The following STXBP6 variants were observed in gnomAD, a reference collection of about 807,000 sequenced individuals.
STXBP6 encodes the protein syntaxin-binding protein 6.
STXBP6 carries 21 observed loss-of-function variants against 26.9 expected under a neutral mutation model. The ratio of observed to expected loss-of-function variants is 0.78; its 90% confidence interval spans 0.55 to 1.12. STXBP6 has a LOEUF of 1.12. STXBP6 is among the 50% of genes most tolerant of loss of function. STXBP6 has a pLI of 0.00. For missense variants in STXBP6, 232 were observed against 257.9 expected (o/e 0.90, Z 0.69); for synonymous variants, 97 against 92.6 (o/e 1.05, Z -0.27).
chr14:24,923,109 G>A (rs1420933953), intron 2 of STXBP6, among the ~76,000 whole-genome samples: 1 of 151,886 alleles, frequency 6.6e-6, no homozygotes, highest in Non-Finnish European at 1.5e-5. Context: ...CATTACCCCT[G>A]CCTCCATAAA....
intron 2 of STXBP6, among the ~76,000 whole-genome samples, chr14:24,963,970 T>TAAAAAAAAAAAAAAAAAAA (rs768793147): frequency 1.5e-5 from 1 of 64,692 alleles, no homozygotes; most frequent in Non-Finnish European, 3.0e-5. Context: ...AGCAAGTTTC[T>TAAAAAAAAAAAAAAAAAAA]AAAAAAAAAA....
At chr14:24,971,585 T>TCAAC (rs72382189) in intron 2 of STXBP6, among the ~76,000 whole-genome samples, 3 of 151,562 alleles carry the variant, frequency 2.0e-5, no homozygotes, top group Non-Finnish European at 4.4e-5. Flanking sequence ...TACAAAGAGG[T>TCAAC]CCTAGACTGA....
intron 5 of STXBP6, 119 bp downstream of exon 5, chr14:24,818,918 A>G: frequency 7.4e-7 from 1 of 1,345,238 alleles, no homozygotes; most frequent in Non-Finnish European, 1.0e-6. Flanking sequence ...GGAATTACAT[A>G]AAGGGGAAAT....
At chr14:24,892,900 A>G (rs1232785526) in intron 2 of STXBP6, among the ~76,000 whole-genome samples, 1 of 152,180 alleles carries the variant, frequency 6.6e-6, no homozygotes, top group Non-Finnish European at 1.5e-5. Context: ...CTGTAACTAG[A>G]ACTCCCACAG....
intron 5 of STXBP6, among the ~76,000 whole-genome samples, chr14:24,815,245 A>G (rs1594893484): frequency 6.6e-6 from 1 of 152,042 alleles, no homozygotes; most frequent in African/African-American, 2.4e-5. Context: ...CCAATGGATA[A>G]ATTTAGGTGT....
At chr14:24,916,217 T>C (rs1247613757) in intron 2 of STXBP6, among the ~76,000 whole-genome samples, 1 of 152,122 alleles carries the variant, frequency 6.6e-6, no homozygotes, top group African/African-American at 2.4e-5. Flanking sequence ...TAAATTGCTA[T>C]GAGAATGTAA....
intron 2 of STXBP6, among the ~76,000 whole-genome samples, chr14:24,950,888 C>T (rs2073146206): frequency 6.6e-6 from 1 of 152,090 alleles, no homozygotes; most frequent in Non-Finnish European, 1.5e-5. Flanking sequence ...GCTATCCCTC[C>T]CCCAGTCCCC....
intron 1 of STXBP6, among the ~76,000 whole-genome samples, chr14:25,014,265 C>T (rs2075098298): frequency 6.6e-6 from 1 of 151,466 alleles, no homozygotes; most frequent in African/African-American, 2.5e-5. Flanking sequence ...GAGGCCGAGG[C>T]AGGTGGATCA....
At chr14:24,954,420 T>C (rs1237977503) in intron 2 of STXBP6, among the ~76,000 whole-genome samples, 1 of 152,118 alleles carries the variant, frequency 6.6e-6, no homozygotes, top group Admixed American at 6.5e-5. Context: ...CAGCCAGAGC[T>C]TAGGGGAACA....
chr14:24,945,166 T>TTTTTTTTTTA (rs1491578209), intron 2 of STXBP6, among the ~76,000 whole-genome samples: 1 of 143,862 alleles, frequency 7.0e-6, no homozygotes, highest in East Asian at 2.1e-4. Flanking sequence ...TTTTTTTTTT[T>TTTTTTTTTTA]AGCAGATTCC....
Position 24,974,789 on chromosome 14 carries a change from T to G in STXBP6, c.30A>C (p.Glu10Asp), listed in dbSNP as rs753692197. ...TCCTTTCATCAAGAGGTGCAAAAAT[T>G]TCCTTGCTGATAGCAGATTTGGCAC... The part of the protein sequence containing the change: MSAKSAISK[E>D]IFAPLDERML... Residue 10 changes from glutamate (E) to aspartate (D), a missense_variant, in exon 2 of 6, where the codon GAA (glutamate) becomes GAC (aspartate). By Grantham distance (45) the Glu-to-Asp change is conservative (BLOSUM62 2). Coordinates refer to ENST00000323944, the MANE Select transcript of STXBP6 (RefSeq NM_001394410.1). The G allele has an allele frequency of 3.1e-6, 5 of 1,609,284 alleles. No individual in the cohort carries two copies. In the South Asian group the frequency reaches 4.5e-5, roughly 14 times the overall value.
chr14:24,949,600 T>C (rs2140046461), intron 2 of STXBP6, among the ~76,000 whole-genome samples: 1 of 152,350 alleles, frequency 6.6e-6, no homozygotes, highest in East Asian at 1.9e-4. Flanking sequence ...TTCTCGAATG[T>C]AGAATGAGTG....
At position 24,945,139 on chromosome 14, in the gene STXBP6, ATTTT is replaced by A. The variant is rs552562019; in HGVS notation, c.154+29522_154+29525del. Among the ~76,000 whole-genome samples the A allele has an allele frequency of 6.6e-3, 665 of 100,596 alleles. 10 individuals are homozygous for A. Among genetic ancestry groups the A allele is most frequent in the African/African-American group, 0.023 (640 of 27,422 alleles). The allele number at this position is 100,596 out of a possible 152,430, so 66.0% of individuals were successfully genotyped here. A position where few individuals can be genotyped will look rare whatever the true frequency, so the allele number is the denominator to read the frequency against. On this transcript the variant is annotated intron_variant, in intron 2 of 5. Coordinates refer to ENST00000323944, the MANE Select transcript of STXBP6 (RefSeq NM_001394410.1). ...TGGCATGTATATGAACCAATTAGGA[ATTTT>A]TTTTTTTTTTTTTTTTTTTTTTTAG... is the stretch of plus-strand genomic sequence containing the variant.
At chr14:24,890,856 T>C (rs1241623) in intron 2 of STXBP6, among the ~76,000 whole-genome samples, 55,579 of 152,084 alleles carry the variant, frequency 0.37, 10,387 homozygotes, top group East Asian at 0.43. Flanking sequence ...AGCTGATTGC[T>C]CTATCCTTTA....
chr14:25,037,623 A>G (rs1282666595), intron 1 of STXBP6, among the ~76,000 whole-genome samples: 2 of 152,230 alleles, frequency 1.3e-5, no homozygotes, highest in African/African-American at 4.8e-5. Flanking sequence ...CCTTCCTTCC[A>G]GTGGGACTGG....
intron 2 of STXBP6, among the ~76,000 whole-genome samples, chr14:24,925,303 G>A (rs1335066671): frequency 1.3e-5 from 2 of 152,212 alleles, no homozygotes; most frequent in East Asian, 3.8e-4. Flanking sequence ...AACTTCACAT[G>A]AAGCATGTTG....
chr14:24,863,848 T>A (rs2069626966), intron 2 of STXBP6, among the ~76,000 whole-genome samples: 1 of 152,282 alleles, frequency 6.6e-6, no homozygotes, highest in Non-Finnish European at 1.5e-5. Flanking sequence ...ATACAATGAA[T>A]TATAGAACCT....
At chr14:24,927,420 A>T (rs1294654791) in intron 2 of STXBP6, among the ~76,000 whole-genome samples, 2 of 152,204 alleles carry the variant, frequency 1.3e-5, no homozygotes, top group Admixed American at 1.3e-4. Flanking sequence ...TGAAGTGGAA[A>T]AAGCAACAAT....
chr14:24,990,912 G>T lies in STXBP6; in HGVS notation c.-32-16062C>A, dbSNP rs113460421. On this transcript the variant is annotated intron_variant, in intron 1 of 5. Transcript: ENST00000323944. The stretch of plus-strand genomic sequence containing the variant: ...GAGGGGACAGGGAGAGGGAAGGGAG[G>T]GGAGAGGATGGAGGAGAGAGCAGAG... Among the ~76,000 whole-genome samples the T allele has an allele frequency of 3.4e-3, 511 of 151,556 alleles. 1 individual carries two copies. Among genetic ancestry groups the T allele is most frequent in the African/African-American group, 0.011 (450 of 41,330 alleles).
Sources: gnomAD v4.1 joint callset for allele counts (sites outside exome capture counted in the v4.1 genomes callset) on GRCh38, gnomAD v4.1.1 for gene constraint, MANE v1.5 for transcripts, NCBI Gene and HGNC (gene_info 2026-07-23, HGNC 2026-07-21) for gene names.